ADGB: variants seen among roughly 807,000 people sequenced by gnomAD.
ADGB encodes androglobin, also known as calpain-7-like protein.
A neutral mutation model predicts 210.5 loss-of-function variants in ADGB; 172 were observed. That is an observed-to-expected ratio of 0.82 (90% CI 0.72 to 0.93). ADGB has a LOEUF of 0.93. ADGB is among the 40% of genes least tolerant of loss of function. The pLI is 0.00. For missense variants in ADGB, 2,025 were observed against 1,964.8 expected (o/e 1.03, Z -0.58); for synonymous variants, 658 against 662.7 (o/e 0.99, Z 0.11).
At chr6:146,642,771 T>C (rs1440226445) in intron 2 of ADGB, among the ~76,000 whole-genome samples, 23 of 151,610 alleles carry the variant, frequency 1.5e-4, no homozygotes, top group Non-Finnish European at 2.9e-5. Context: ...TTAGGGAGGC[T>C]GGGAAGAAAG....
chr6:146,716,317 C>T (rs112222844), intron 14 of ADGB, among the ~76,000 whole-genome samples: 8,495 of 129,124 alleles, frequency 0.066, 614 homozygotes, highest in African/African-American at 0.08. Context: ...GAGGGCCGGG[C>T]GCGGTGGCTC....
At chr6:146,746,582 G>C (rs1306795381) in intron 26 of ADGB, among the ~76,000 whole-genome samples, 1 of 151,862 alleles carries the variant, frequency 6.6e-6, no homozygotes, top group Non-Finnish European at 1.5e-5. Flanking sequence ...CAATTGTTTT[G>C]TTTCTGGAAT....
intron 20 of ADGB, among the ~76,000 whole-genome samples, chr6:146,730,496 C>T (rs1378480192): frequency 6.6e-6 from 1 of 152,188 alleles, no homozygotes; most frequent in Non-Finnish European, 1.5e-5. Context: ...CCCAAATTCA[C>T]TTGGTATAGG....
chr6:146,672,208 CT>C lies in ADGB; in HGVS notation c.840-8del. ...ATCGTTTGGAAATTAATGTTTTTGT[CT>C]TTTCTCTTAGCCCGGGATATATGGA... is the stretch of plus-strand genomic sequence containing the variant. On this transcript the variant is annotated splice_polypyrimidine_tract_variant and intron_variant, in intron 7 of 35. Coordinates refer to ENST00000397944, the MANE Select transcript of ADGB (RefSeq NM_024694.4). 1 of 1,444,040 alleles carries C rather than the reference CT, an allele frequency of 6.9e-7. No homozygotes were observed. The highest frequency in any genetic ancestry group is 9.1e-7 in the Non-Finnish European group (1 of 1,093,760). 89.5% of individuals were successfully genotyped at this position (1,444,040 alleles called of 1,614,324 possible). A position where few individuals can be genotyped will look rare whatever the true frequency, so the allele number is the denominator to read the frequency against.
intron 12 of ADGB, among the ~76,000 whole-genome samples, chr6:146,694,181 G>A (rs1776373560): frequency 6.6e-6 from 1 of 152,180 alleles, no homozygotes; most frequent in Admixed American, 6.5e-5. Flanking sequence ...AATCCCACTT[G>A]CTAGCATTCA....
chr6:146,717,748 T>C, intron 16 of ADGB, 149 bp downstream of exon 16: 1 of 428,544 alleles, frequency 2.3e-6, no homozygotes, highest in South Asian at 4.6e-5. Flanking sequence ...CACTAATCCT[T>C]ATCCAAGCAA....
chr6:146,781,215 C>T (rs368264333), intron 29 of ADGB, among the ~76,000 whole-genome samples: 16 of 146,608 alleles, frequency 1.1e-4, no homozygotes, highest in Non-Finnish European at 2.2e-4. Flanking sequence ...TGGTGGCGGG[C>T]ACCTGTAGTC....
At chr6:146,691,481 T>TAA (rs1562275670) in intron 11 of ADGB, among the ~76,000 whole-genome samples, 191 bp downstream of exon 11, 9 of 13,382 alleles carry the variant, frequency 6.7e-4, no homozygotes, top group South Asian at 2.2e-3. Context: ...TATATAAATA[T>TAA]ATATATATAT....
chr6:146,615,821 C>T (rs1231848718), intron 1 of ADGB, among the ~76,000 whole-genome samples: 1 of 152,166 alleles, frequency 6.6e-6, no homozygotes, highest in Non-Finnish European at 1.5e-5. Flanking sequence ...TGTTGATGGA[C>T]ATGTAAGTTG....
intron 33 of ADGB, among the ~76,000 whole-genome samples, chr6:146,798,658 C>T (rs1303850816): frequency 1.3e-5 from 2 of 150,910 alleles, no homozygotes; most frequent in Non-Finnish European, 2.9e-5. Context: ...CTCCTATATG[C>T]TAAACTTCTA....
At chr6:146,721,159 C>T (rs1004743805) in intron 16 of ADGB, among the ~76,000 whole-genome samples, 9 of 152,152 alleles carry the variant, frequency 5.9e-5, no homozygotes, top group Admixed American at 5.9e-4. Context: ...GAGAGCTCTG[C>T]CTCTCTCTGA....
chr6:146,738,214 A>G (rs1192388715), intron 23 of ADGB, among the ~76,000 whole-genome samples: 4 of 152,150 alleles, frequency 2.6e-5, no homozygotes, highest in African/African-American at 7.2e-5. Context: ...AGACAGGAAA[A>G]GTACTTAGCA....
At chr6:146,618,125 T>C (rs945307562) in intron 1 of ADGB, among the ~76,000 whole-genome samples, 3 of 152,054 alleles carry the variant, frequency 2.0e-5, no homozygotes, top group African/African-American at 4.8e-5. Context: ...TTAAATGAAA[T>C]TGGATTATCA....
intron 29 of ADGB, among the ~76,000 whole-genome samples, chr6:146,779,863 T>TAAA (rs71552960): frequency 2.7e-5 from 4 of 146,486 alleles, no homozygotes; most frequent in Middle Eastern, 3.5e-3. Context: ...CTTCCAGCTA[T>TAAA]AAAAAAAAAA....
chr6:146,702,385 C>T (rs1776503162), intron 13 of ADGB, among the ~76,000 whole-genome samples: 1 of 151,716 alleles, frequency 6.6e-6, no homozygotes, highest in Non-Finnish European at 1.5e-5. Context: ...CATATTAACC[C>T]ATATATGCCT....
At chr6:146,754,898 T>C (rs1442356921) in intron 27 of ADGB, among the ~76,000 whole-genome samples, 1 of 152,024 alleles carries the variant, frequency 6.6e-6, no homozygotes, top group African/African-American at 2.4e-5. Flanking sequence ...AACTTGCTAA[T>C]TATGATATTT....
intron 35 of ADGB, among the ~76,000 whole-genome samples, chr6:146,812,991 T>C (rs1245403273): frequency 6.6e-6 from 1 of 152,214 alleles, no homozygotes; most frequent in Non-Finnish European, 1.5e-5. Context: ...TTTGGCGTAA[T>C]GAGTTTGGGG....
chr6:146,813,067 C>G (rs2114678566), intron 35 of ADGB, among the ~76,000 whole-genome samples: 1 of 152,278 alleles, frequency 6.6e-6, no homozygotes, highest in African/African-American at 2.4e-5. Context: ...TCCCAATGAC[C>G]TGTCTCGCAG....
At chr6:146,649,487 T>A (rs1355465287) in intron 3 of ADGB, among the ~76,000 whole-genome samples, 4 of 147,384 alleles carry the variant, frequency 2.7e-5, no homozygotes, top group Admixed American at 2.7e-4. Context: ...TTTTTATTTT[T>A]ATTTTACTAA....
Sources: allele counts gnomAD v4.1 joint callset (sites outside exome capture counted in the v4.1 genomes callset), GRCh38; gene constraint gnomAD v4.1.1; transcripts MANE v1.5; gene names NCBI Gene and HGNC (gene_info 2026-07-23, HGNC 2026-07-21).